WDFY2: variants seen among roughly 807,000 people sequenced by gnomAD.
WDFY2 encodes the protein WD repeat and FYVE domain containing 2, also known as WD repeat and FYVE domain-containing protein 2.
In WDFY2, 36 loss-of-function variants were observed where a neutral mutation model predicts 56.4. That is an observed-to-expected ratio of 0.64 (90% confidence interval 0.49 to 0.84). WDFY2 has a LOEUF of 0.84. Ranked by LOEUF, WDFY2 falls within the 40% of genes least tolerant of loss-of-function variation. The probability of loss-of-function intolerance (pLI) is 0.00; values close to 1 mark genes in which losing one functional copy is unlikely to be tolerated. For missense variants in WDFY2, 444 were observed against 512.2 expected (o/e 0.87, Z 1.29); for synonymous variants, 176 against 183.7 (o/e 0.96, Z 0.34).
intron 4 of WDFY2, among the ~76,000 whole-genome samples, chr13:51,712,753 A>G (rs1197756012): frequency 1.3e-5 from 2 of 152,082 alleles, no homozygotes; most frequent in African/African-American, 4.8e-5. Flanking sequence ...GAAAAAAAAA[A>G]AGAGAAAATG....
intron 7 of WDFY2, among the ~76,000 whole-genome samples, chr13:51,741,381 G>A (rs572057318): frequency 3.3e-5 from 5 of 152,328 alleles, no homozygotes; most frequent in Admixed American, 1.3e-4. Flanking sequence ...GGGAGGGGTT[G>A]CTCTGGTATC....
chr13:51,721,154 C>T (rs1952480779), intron 5 of WDFY2, among the ~76,000 whole-genome samples: 1 of 152,190 alleles, frequency 6.6e-6, no homozygotes, highest in Non-Finnish European at 1.5e-5. Context: ...ACACTACCCT[C>T]ATTTTACAGA....
chr13:51,719,085 C>A, intron 4 of WDFY2, 113 bp from the exon 5 acceptor site: 2 of 1,438,564 alleles, frequency 1.4e-6, no homozygotes, highest in South Asian at 1.2e-5. Flanking sequence ...AATGGTTCTG[C>A]TGTTCAGCTT....
intron 2 of WDFY2, among the ~76,000 whole-genome samples, chr13:51,674,852 G>A (rs149508942): frequency 6.8e-4 from 104 of 152,216 alleles, no homozygotes; most frequent in African/African-American, 2.3e-3. Flanking sequence ...TAACAGAAAC[G>A]TTACACAGCA....
At chr13:51,652,539 G>A (rs985762243) in intron 1 of WDFY2, among the ~76,000 whole-genome samples, 2 of 152,312 alleles carry the variant, frequency 1.3e-5, no homozygotes, top group Middle Eastern at 3.4e-3. Context: ...GCAGTGGCTG[G>A]TATTGGTTGT....
chr13:51,654,969 A>G (rs1388043611), intron 1 of WDFY2, among the ~76,000 whole-genome samples: 1 of 152,176 alleles, frequency 6.6e-6, no homozygotes, highest in Non-Finnish European at 1.5e-5. Flanking sequence ...TTAAATATAT[A>G]TGTAAAGTGT....
At chr13:51,675,120 G>A (rs765119652) in intron 2 of WDFY2, 50 bp from the exon 3 acceptor site, 101 of 1,575,274 alleles carry the variant, frequency 6.4e-5, no homozygotes, top group Non-Finnish European at 7.6e-5. Context: ...CTCCTGAGTC[G>A]ATGAGAATCA....
intron 5 of WDFY2, 124 bp downstream of exon 5, chr13:51,719,472 A>G (rs1329592954): frequency 8.9e-7 from 1 of 1,127,884 alleles, no homozygotes; most frequent in South Asian, 1.6e-5. Context: ...TGTGGATTAC[A>G]ATGCTCATAG....
chr13:51,648,686 A>G (rs1019848398), intron 1 of WDFY2, among the ~76,000 whole-genome samples: 15 of 152,236 alleles, frequency 9.9e-5, no homozygotes, highest in African/African-American at 2.9e-4. Flanking sequence ...ACTTATACCT[A>G]TGTAACAAAC....
At chr13:51,680,872 A>G (rs1403251129) in intron 3 of WDFY2, among the ~76,000 whole-genome samples, 2 of 152,128 alleles carry the variant, frequency 1.3e-5, no homozygotes, top group Admixed American at 1.3e-4. Flanking sequence ...TACCAGGCCA[A>G]TTTCTTCATA....
chr13:51,668,763 A>C (rs1349113385), intron 2 of WDFY2, among the ~76,000 whole-genome samples: 1 of 152,220 alleles, frequency 6.6e-6, no homozygotes, highest in Non-Finnish European at 1.5e-5. Flanking sequence ...GAACCAGAAC[A>C]TCTCATGAGG....
intron 7 of WDFY2, among the ~76,000 whole-genome samples, chr13:51,742,090 G>A (rs1408553543): frequency 6.6e-6 from 1 of 152,170 alleles, no homozygotes; most frequent in Non-Finnish European, 1.5e-5. Flanking sequence ...CCAGGATAGG[G>A]AGACTGCCTT....
chr13:51,679,240 A>G lies in WDFY2; in HGVS notation c.279+3997A>G, dbSNP rs148054393. Among the ~76,000 whole-genome samples the G allele has an allele frequency of 2.6e-4, 40 of 152,302 alleles. No homozygotes were observed. The East Asian group carries it at 5.6e-3, about 21-fold the overall frequency. On this transcript the variant is annotated intron_variant, in intron 3 of 11. Coordinates refer to ENST00000298125, the MANE Select transcript of WDFY2 (RefSeq NM_052950.4). Reference sequence around the variant, plus strand: ...GGAAATGTCAACACAGAAGTAAAGCATTTCCATTAAACTAATTTTCACCAA... The same window carrying G: ...GGAAATGTCAACACAGAAGTAAAGCGTTTCCATTAAACTAATTTTCACCAA...
Position 51,767,606 on chromosome 13 carries a change from G to T in WDFY2, c.*7837G>T, listed in dbSNP as rs1219338315. The T allele has an allele frequency of 1.3e-5, 2 of 153,138 alleles. No homozygotes were observed. Among genetic ancestry groups the T allele is most frequent in the African/African-American group, 4.8e-5 (2 of 41,406 alleles). The allele number at this position is 153,138 out of a possible 1,614,324, so 9.5% of individuals were successfully genotyped here. A position where few individuals can be genotyped will look rare whatever the true frequency, so the allele number is the denominator to read the frequency against. On this transcript the variant is annotated 3_prime_UTR_variant, in exon 12 of 12. Coordinates refer to ENST00000298125, the MANE Select transcript of WDFY2 (RefSeq NM_052950.4). Reference sequence around the variant, plus strand: ...AGAGGTAAAATGGTGTAAATTAGAGGTTTTATCAAAGTGTAGTACCAGAAT... The same window carrying T: ...AGAGGTAAAATGGTGTAAATTAGAGTTTTTATCAAAGTGTAGTACCAGAAT...
chr13:51,728,232 T>C (rs1163138804), intron 6 of WDFY2, among the ~76,000 whole-genome samples: 1 of 152,200 alleles, frequency 6.6e-6, no homozygotes, highest in Non-Finnish European at 1.5e-5. Flanking sequence ...GATATACTCT[T>C]CATGAGTAGC....
chr13:51,695,255 G>A (rs1364279542), intron 3 of WDFY2, among the ~76,000 whole-genome samples: 7 of 152,194 alleles, frequency 4.6e-5, no homozygotes, highest in South Asian at 2.1e-4. Context: ...GAGGAGAGGC[G>A]CTCTGCTTTT....
chr13:51,601,271 GA>G (rs1954276753), intron 1 of WDFY2, among the ~76,000 whole-genome samples: 1 of 152,144 alleles, frequency 6.6e-6, no homozygotes, highest in African/African-American at 2.4e-5. Context: ...TCTCAGGGAG[GA>G]AGTGGAAAAG....
At chr13:51,753,823 C>T (rs1373876752) in intron 8 of WDFY2, among the ~76,000 whole-genome samples, 3 of 151,820 alleles carry the variant, frequency 2.0e-5, no homozygotes, top group Non-Finnish European at 4.4e-5. Flanking sequence ...CGGTGGCTCA[C>T]GCCTGTAATG....
At chr13:51,726,357 C>G (rs560881419) in intron 5 of WDFY2, among the ~76,000 whole-genome samples, 3 of 152,046 alleles carry the variant, frequency 2.0e-5, no homozygotes, top group Non-Finnish European at 4.4e-5. Context: ...TATTGATAGA[C>G]GTTTGGGTTA....
Sources: gnomAD v4.1 joint callset for allele counts (sites outside exome capture counted in the v4.1 genomes callset) on GRCh38, gnomAD v4.1.1 for gene constraint, MANE v1.5 for transcripts, NCBI Gene and HGNC (gene_info 2026-07-23, HGNC 2026-07-21) for gene names.